GABRB2: variants seen among roughly 807,000 people sequenced by gnomAD.
The protein encoded by GABRB2 is gamma-aminobutyric acid receptor subunit beta-2.
In GABRB2, 16 loss-of-function variants were observed where a neutral mutation model predicts 54.7. The ratio of observed to expected loss-of-function variants is 0.29; its 90% confidence interval spans 0.20 to 0.44. The LOEUF (loss-of-function observed/expected upper bound fraction) is 0.44. GABRB2 is among the 20% of genes least tolerant of loss of function. GABRB2 has a pLI of 1.00. For missense variants in GABRB2, 355 were observed against 644.0 expected (o/e 0.55, Z 4.86); for synonymous variants, 244 against 233.8 (o/e 1.04, Z -0.40).
At chr5:161,546,034 T>A (rs1760975595) in intron 2 of GABRB2, among the ~76,000 whole-genome samples, 2 of 152,222 alleles carry the variant, frequency 1.3e-5, no homozygotes, top group Admixed American at 1.3e-4. Flanking sequence ...AAGAGGTTTG[T>A]GTCTCAACAA....
At chr5:161,382,441 A>G (rs1291400011) in intron 5 of GABRB2, among the ~76,000 whole-genome samples, 3 of 152,144 alleles carry the variant, frequency 2.0e-5, no homozygotes, top group Non-Finnish European at 2.9e-5. Flanking sequence ...TTGAACTTCT[A>G]CAGTCCTTTA....
At chr5:161,478,777 AACTG>A (rs1758668876) in intron 3 of GABRB2, among the ~76,000 whole-genome samples, 1 of 152,036 alleles carries the variant, frequency 6.6e-6, no homozygotes, top group Non-Finnish European at 1.5e-5. Flanking sequence ...ATCCCATCTT[AACTG>A]ACTATTTTAT....
At chr5:161,441,815 G>A (rs777609422) in intron 4 of GABRB2, among the ~76,000 whole-genome samples, 2 of 152,228 alleles carry the variant, frequency 1.3e-5, no homozygotes, top group Non-Finnish European at 2.9e-5. Context: ...GAATGGAACT[G>A]GAGATCATTA....
At chr5:161,327,537 A>G (rs930978147) in intron 8 of GABRB2, among the ~76,000 whole-genome samples, 1 of 152,146 alleles carries the variant, frequency 6.6e-6, no homozygotes, top group South Asian at 2.1e-4. Flanking sequence ...GTGAAATGAC[A>G]GGACAGGAAT....
chr5:161,362,182 T>C (rs1238616568), intron 5 of GABRB2, among the ~76,000 whole-genome samples: 1 of 152,174 alleles, frequency 6.6e-6, no homozygotes, highest in South Asian at 2.1e-4. Context: ...GCTGTAGCCA[T>C]GTAGCATAAT....
intron 9 of GABRB2, among the ~76,000 whole-genome samples, chr5:161,323,027 C>CT (rs397882556): frequency 0.14 from 20,394 of 140,890 alleles, 1,785 homozygotes; most frequent in African/African-American, 0.23. Flanking sequence ...TTGAAATATA[C>CT]TTTTTTTTTT....
chr5:161,472,117 C>T (rs1411018482), intron 3 of GABRB2, among the ~76,000 whole-genome samples: 1 of 151,686 alleles, frequency 6.6e-6, no homozygotes, highest in Non-Finnish European at 1.5e-5. Flanking sequence ...TAGTAGAATG[C>T]CTGGCTCAGA....
At position 161,339,329 on chromosome 5, in the gene GABRB2, C is replaced by T. The variant is rs535248820; in HGVS notation, c.542-2560G>A. Reference sequence around the variant, plus strand: ...ATAAAGTAGCAACTGCCATTTATTACGTTAGTTGGTGGTATATACTAAGCA... The same window carrying T: ...ATAAAGTAGCAACTGCCATTTATTATGTTAGTTGGTGGTATATACTAAGCA... On this transcript the variant is annotated intron_variant, in intron 5 of 9. Coordinates refer to ENST00000393959, the MANE Select transcript of GABRB2 (RefSeq NM_001371727.1). Among the ~76,000 whole-genome samples the T allele has an allele frequency of 3.3e-5, 5 of 152,210 alleles. No homozygotes were observed. In the East Asian group the frequency reaches 7.7e-4, roughly 24 times the overall value.
intron 3 of GABRB2, among the ~76,000 whole-genome samples, chr5:161,496,704 C>T (rs1362600052): frequency 3.3e-5 from 5 of 152,014 alleles, no homozygotes; most frequent in South Asian, 2.1e-4. Flanking sequence ...TAGGTATATT[C>T]GACATCATAA....
In GABRB2 at chr5:161,508,922, T is replaced by G. The variant is rs117295694; in HGVS notation, c.237+36305A>C. Among the ~76,000 whole-genome samples the G allele has an allele frequency of 3.0e-3, 453 of 152,116 alleles. 6 individuals are homozygous for G. The East Asian group carries it at 0.056, about 19-fold the overall frequency. ...TGAAAATATATAATCCTCTATTGTA[T>G]AAGTAAGGTAGAATAATTAATTTGC... On this transcript the variant is annotated intron_variant, in intron 3 of 9. Coordinates refer to ENST00000393959, the MANE Select transcript of GABRB2 (RefSeq NM_001371727.1).
chr5:161,467,375 G>T (rs35658665), intron 3 of GABRB2, among the ~76,000 whole-genome samples: 3,412 of 152,144 alleles, frequency 0.022, 60 homozygotes, highest in Non-Finnish European at 0.034. Context: ...TATCAAAGTT[G>T]AGGTTTTGAG....
chr5:161,328,880 A>G (rs1035294924), intron 8 of GABRB2, among the ~76,000 whole-genome samples: 1 of 151,970 alleles, frequency 6.6e-6, no homozygotes, highest in Admixed American at 6.6e-5. Context: ...GAAGAAAATG[A>G]CCCTGTTTTG....
At chr5:161,513,610 T>C (rs976177487) in intron 3 of GABRB2, among the ~76,000 whole-genome samples, 1 of 151,940 alleles carries the variant, frequency 6.6e-6, no homozygotes, top group African/African-American at 2.4e-5. Context: ...ATGGCAGCAA[T>C]AGACTCTGGG....
intron 9 of GABRB2, among the ~76,000 whole-genome samples, chr5:161,296,547 A>C (rs930308915): frequency 6.6e-6 from 1 of 152,212 alleles, no homozygotes; most frequent in Non-Finnish European, 1.5e-5. Context: ...CTTAAAACAA[A>C]TTATTTTTGA....
At chr5:161,333,302 C>G (rs765749611) in intron 7 of GABRB2, among the ~76,000 whole-genome samples, 12 of 152,162 alleles carry the variant, frequency 7.9e-5, no homozygotes, top group Non-Finnish European at 1.3e-4. Flanking sequence ...AGATATGGAC[C>G]TTTCCTCCAT....
intron 3 of GABRB2, among the ~76,000 whole-genome samples, chr5:161,517,924 G>A (rs895783823): frequency 3.1e-4 from 47 of 152,000 alleles, no homozygotes; most frequent in African/African-American, 1.1e-3. Flanking sequence ...AGCCTCCCAA[G>A]TAACTGGGAC....
chr5:161,489,779 A>T (rs1759045548), intron 3 of GABRB2, among the ~76,000 whole-genome samples: 1 of 151,756 alleles, frequency 6.6e-6, no homozygotes, highest in Non-Finnish European at 1.5e-5. Context: ...CCTTAGGCTT[A>T]TCAAAAGTCA....
At chr5:161,435,831 T>C (rs1212724393) in intron 4 of GABRB2, among the ~76,000 whole-genome samples, 1 of 152,210 alleles carries the variant, frequency 6.6e-6, no homozygotes, top group African/African-American at 2.4e-5. Context: ...GTTGAATAAA[T>C]ATATCAGCAA....
intron 5 of GABRB2, among the ~76,000 whole-genome samples, chr5:161,395,689 A>G (rs1755975237): frequency 6.6e-6 from 1 of 152,104 alleles, no homozygotes; most frequent in African/African-American, 2.4e-5. Context: ...GCTAAGCAAA[A>G]AAGGGAAGAA....
Sources: gnomAD v4.1 joint callset for allele counts (sites outside exome capture counted in the v4.1 genomes callset) on GRCh38, gnomAD v4.1.1 for gene constraint, MANE v1.5 for transcripts, NCBI Gene and HGNC (gene_info 2026-07-23, HGNC 2026-07-21) for gene names.